Variants in PHACTR2 observed in about 807,000 individuals in gnomAD.
The protein encoded by PHACTR2 is chromosome 6 open reading frame 56.
A neutral mutation model predicts 76.0 loss-of-function variants in PHACTR2; 30 were observed. The observed-to-expected ratio is 0.39, with a 90% CI of 0.30 to 0.54. The LOEUF is 0.54. Ranked by LOEUF, PHACTR2 falls within the 20% of genes least tolerant of loss-of-function variation. PHACTR2 has a pLI of 0.61. For missense variants in PHACTR2, 696 were observed against 781.1 expected, an observed-to-expected ratio of 0.89 and a Z score of 1.30; for synonymous variants, 292 against 292.5, an observed-to-expected ratio of 1.00 and a Z score of 0.02.
At chr6:143,640,811 A>G (rs1776550789) in intron 1 of PHACTR2, among the ~76,000 whole-genome samples, 1 of 152,150 alleles carries the variant, frequency 6.6e-6, no homozygotes, top group Non-Finnish European at 1.5e-5. Context: ...ACTTTATTTG[A>G]AAAAAAGACC....
chr6:143,808,729 C>T (rs1386928568), intron 12 of PHACTR2, among the ~76,000 whole-genome samples: 1 of 151,996 alleles, frequency 6.6e-6, no homozygotes, highest in East Asian at 1.9e-4. Context: ...TTATTTCCTC[C>T]TATATCATTT....
chr6:143,777,218 T>TGGG lies in PHACTR2; in HGVS notation c.1590-108_1590-107insGGG, dbSNP rs1489100342. Reference sequence around the variant, plus strand: ...GACTTTTATTTTGCAGCTTTAAAAATGGATTTTTATTTCTCAAAACATGAA... The same window carrying TGGG: ...GACTTTTATTTTGCAGCTTTAAAAATGGGGGATTTTTATTTCTCAAAACATGAA... On this transcript the variant is annotated intron_variant, in intron 8 of 12. Coordinates refer to ENST00000440869, the MANE Select transcript of PHACTR2 (RefSeq NM_001100164.2). The surrounding 1 kb of genome is among the most constrained non-coding windows in gnomAD (Gnocchi z 4.6). The TGGG allele has an allele frequency of 1.7e-6, 1 of 600,194 alleles. No homozygotes were observed. Among genetic ancestry groups the TGGG allele is most frequent in the Non-Finnish European group, 2.9e-6 (1 of 345,960 alleles). 37.2% of individuals were successfully genotyped at this position (600,194 alleles called of 1,614,324 possible).
intron 2 of PHACTR2, among the ~76,000 whole-genome samples, chr6:143,714,815 T>G (rs1172766708): frequency 6.6e-6 from 1 of 152,156 alleles, no homozygotes; most frequent in Non-Finnish European, 1.5e-5. Flanking sequence ...AAAATGGCAT[T>G]TACATCTTTT....
Position 143,764,398 on chromosome 6 carries a change from G to C in PHACTR2, c.695-863G>C, listed in dbSNP as rs1404088363. Among the ~76,000 whole-genome samples the C allele has an allele frequency of 1.3e-5, 2 of 151,916 alleles. No individual in the cohort carries two copies. The highest frequency in any genetic ancestry group is 4.8e-5 in the African/African-American group (2 of 41,352). On this transcript the variant is annotated intron_variant, in intron 5 of 12. Transcript: ENST00000440869. This position sits in a 1 kb window ranked among gnomAD's most constrained non-coding sequence, Gnocchi z 4.7. ...TAGCCAGGCATGGTGGTACACACCT[G>C]TAGTCCCAGCTACTCAGGAGGCTAA... is the stretch of plus-strand genomic sequence containing the variant.
chr6:143,634,789 A>G (rs1776422472), intron 1 of PHACTR2, among the ~76,000 whole-genome samples: 1 of 129,098 alleles, frequency 7.7e-6, no homozygotes, highest in Non-Finnish European at 1.8e-5. Context: ...CTCACCGTCT[A>G]TGGCTAGCAA....
chr6:143,572,026 A>G (rs1034000842), intron 1 of PHACTR2, among the ~76,000 whole-genome samples: 1 of 152,078 alleles, frequency 6.6e-6, no homozygotes, highest in Non-Finnish European at 1.5e-5. Context: ...TTTGATACAT[A>G]TGCTAAAAAA....
chr6:143,765,731 G>A lies in PHACTR2; in HGVS notation c.1165G>A (p.Glu389Lys), dbSNP rs1779548472. 1 of 1,614,192 alleles carries A rather than the reference G, an allele frequency of 6.2e-7. No homozygotes were observed. Among genetic ancestry groups the A allele is most frequent in the Non-Finnish European group, 8.5e-7 (1 of 1,180,026 alleles). The change falls in exon 6 of 13, where the codon GAG becomes AAG. Residue 389 changes from glutamate to lysine, a missense_variant. Physicochemically the swap from Glu to Lys is moderately conservative, Grantham distance 56. Around this residue, in one of 2 missense-constraint regions of PHACTR2, gnomAD observed 236 missense variants for 330.2 expected, o/e 0.71. Transcript: ENST00000440869. The surrounding 1 kb of genome is among the most constrained non-coding windows in gnomAD (Gnocchi z 4.1). The part of the protein sequence containing the change: ...LDPSQLLWAE[E>K]PTNRTTLYSG... ...CCCAAGTCAGCTTCTTTGGGCTGAA[G>A]AGCCGACGAACAGAACCACTCTCTA...
chr6:143,756,602 G>C (rs1779304456), intron 4 of PHACTR2, among the ~76,000 whole-genome samples: 1 of 151,678 alleles, frequency 6.6e-6, no homozygotes, highest in Non-Finnish European at 1.5e-5. Flanking sequence ...GGGAGGCTGA[G>C]GCAGGAGAAT....
intron 1 of PHACTR2, among the ~76,000 whole-genome samples, chr6:143,626,827 G>T (rs1776271663): frequency 6.6e-6 from 1 of 152,156 alleles, no homozygotes; most frequent in Admixed American, 6.5e-5. Context: ...AAAGACATTA[G>T]AATTTAAACA....
intron 1 of PHACTR2, among the ~76,000 whole-genome samples, chr6:143,568,806 T>C (rs536853749): frequency 2.2e-4 from 33 of 152,328 alleles, no homozygotes; most frequent in African/African-American, 6.7e-4. Flanking sequence ...TTGACCTGAA[T>C]GAAGGTATGA....
intron 1 of PHACTR2, among the ~76,000 whole-genome samples, chr6:143,685,809 G>A (rs373931463): frequency 6.6e-6 from 1 of 151,408 alleles, no homozygotes; most frequent in African/African-American, 2.4e-5. Flanking sequence ...TATCAGAAAA[G>A]CAGTTTGGCA....
At position 143,772,874 on chromosome 6, in the gene PHACTR2, A is replaced by G. The variant is rs1370476737; in HGVS notation, c.1432+417A>G. Among the ~76,000 whole-genome samples the G allele has an allele frequency of 6.6e-6, 1 of 152,136 alleles. No individual in the cohort carries two copies. Among genetic ancestry groups the G allele is most frequent in the African/African-American group, 2.4e-5 (1 of 41,408 alleles). On this transcript the variant is annotated intron_variant, in intron 7 of 12. Coordinates refer to ENST00000440869, the MANE Select transcript of PHACTR2 (RefSeq NM_001100164.2). This position sits in a 1 kb window ranked among gnomAD's most constrained non-coding sequence, Gnocchi z 5.4. ...GTTTGAAATTTTCACTCGCTTTTGTACTGGGGTTTATAGAAAGGGGAAGGA... is the reference window on the plus strand; with the variant it reads ...GTTTGAAATTTTCACTCGCTTTTGTGCTGGGGTTTATAGAAAGGGGAAGGA...
intron 1 of PHACTR2, among the ~76,000 whole-genome samples, chr6:143,542,233 A>G (rs1345085817): frequency 1.3e-5 from 2 of 152,116 alleles, no homozygotes; most frequent in Non-Finnish European, 2.9e-5. Flanking sequence ...CTTCTCCCCC[A>G]GGGAGAGCAC....
chr6:143,587,198 A>G (rs1282607363), intron 1 of PHACTR2, among the ~76,000 whole-genome samples: 1 of 152,224 alleles, frequency 6.6e-6, no homozygotes, highest in African/African-American at 2.4e-5. Flanking sequence ...TCTAAACAGA[A>G]CTAACATCAG....
At position 143,678,334 on chromosome 6, in the gene PHACTR2, A is replaced by T; in HGVS notation, c.46+125A>T. ...TCGGACCCGCCAAGTCCCTCGGAGA[A>T]ACCCCAGAGGTAGCGCTCGCCAAAC... On this transcript the variant is annotated intron_variant, in intron 1 of 12. Transcript: ENST00000440869. The surrounding 1 kb of genome is among the most constrained non-coding windows in gnomAD (Gnocchi z 6.2). 1.2e-6 allele frequency: 1 copy of T among 855,410 alleles called. No individual in the cohort carries two copies. 53.0% of individuals were successfully genotyped at this position (855,410 alleles called of 1,614,324 possible). A position where few individuals can be genotyped will look rare whatever the true frequency, so the allele number is the denominator to read the frequency against.
intron 11 of PHACTR2, among the ~76,000 whole-genome samples, chr6:143,805,108 T>G (rs1377694984): frequency 1.3e-5 from 2 of 152,190 alleles, no homozygotes; most frequent in Non-Finnish European, 2.9e-5. Flanking sequence ...TTTCACTTCC[T>G]CTGCTGAAAC....
chr6:143,690,978 A>G (rs1437237346), intron 1 of PHACTR2, among the ~76,000 whole-genome samples: 2 of 152,304 alleles, frequency 1.3e-5, no homozygotes, highest in East Asian at 1.9e-4. Flanking sequence ...ACAAACTACC[A>G]TTGATATTTC....
intron 12 of PHACTR2, among the ~76,000 whole-genome samples, chr6:143,814,561 A>G (rs1389791318): frequency 3.3e-5 from 5 of 150,954 alleles, no homozygotes. Context: ...TCAGAGGTCA[A>G]CTGTATATAC....
Position 143,821,010 on chromosome 6 carries a change from T to C in PHACTR2, c.1923-2664T>C, listed in dbSNP as rs1776407503. ...CTGAAGCAGAAGCCTGAGCTGTATCTGGGGCCCTTTGCGCCAAGGCTGGAG... is the reference window on the plus strand; with the variant it reads ...CTGAAGCAGAAGCCTGAGCTGTATCCGGGGCCCTTTGCGCCAAGGCTGGAG... On this transcript the variant is annotated intron_variant, in intron 12 of 12. Transcript: ENST00000440869. The surrounding 1 kb of genome is among the most constrained non-coding windows in gnomAD (Gnocchi z 5.2). Among the ~76,000 whole-genome samples the C allele has an allele frequency of 6.6e-6, 1 of 152,256 alleles. No homozygotes were observed. Among genetic ancestry groups the C allele is most frequent in the Non-Finnish European group, 1.5e-5 (1 of 68,048 alleles).
Sources: allele counts gnomAD v4.1 joint callset (sites outside exome capture counted in the v4.1 genomes callset), GRCh38; gene constraint gnomAD v4.1.1; regional missense constraint gnomAD v4.1.1; non-coding constraint Gnocchi (gnomAD v3.1); transcripts MANE v1.5; gene names NCBI Gene and HGNC (gene_info 2026-07-23, HGNC 2026-07-21).